The following CNTN4 variants were observed in gnomAD, a reference collection of about 807,000 sequenced individuals.
CNTN4 encodes contactin 4.
A neutral mutation model predicts 122.5 loss-of-function variants in CNTN4; 77 were observed. The ratio of observed to expected loss-of-function variants is 0.63; its 90% CI spans 0.52 to 0.76. The LOEUF (loss-of-function observed/expected upper bound fraction) is 0.76. Ranked by LOEUF, CNTN4 falls within the 30% of genes least tolerant of loss-of-function variation. The pLI is 0.00. For missense variants in CNTN4, 1,256 were observed against 1,259.1 expected, an observed-to-expected ratio of 1.00 and a Z score of 0.04; for synonymous variants, 512 against 447.0, an observed-to-expected ratio of 1.15 and a Z score of -1.83.
chr3:2,844,919 G>C lies in CNTN4; in HGVS notation c.455-21833G>C, dbSNP rs539895084. Among the ~76,000 whole-genome samples, 5 of 152,190 alleles carry C rather than the reference G, an allele frequency of 3.3e-5. No individual in the cohort carries two copies. In the South Asian group the frequency reaches 1.0e-3, roughly 32 times the overall value. On this transcript the variant is annotated intron_variant, in intron 7 of 24. Transcript: ENST00000418658. ...CAAGCTGAAGGTTCATGGCTGGTAG[G>C]CTACGCTCAGGTGAATTTGGAGCAC...
intron 4 of CNTN4, among the ~76,000 whole-genome samples, chr3:2,641,059 C>T (rs2082876046): frequency 6.6e-6 from 1 of 152,052 alleles, no homozygotes; most frequent in Non-Finnish European, 1.5e-5. Context: ...ACAAATTCTG[C>T]CAGATCACCC....
intron 2 of CNTN4, among the ~76,000 whole-genome samples, chr3:2,142,066 G>T (rs2727918): frequency 6.6e-6 from 1 of 152,046 alleles, no homozygotes; most frequent in East Asian, 1.9e-4. Context: ...GATTTCTGTC[G>T]TAGGCATATT....
At chr3:2,412,473 A>G (rs547066890) in intron 3 of CNTN4, among the ~76,000 whole-genome samples, 1 of 152,110 alleles carries the variant, frequency 6.6e-6, no homozygotes, top group African/African-American at 2.4e-5. Flanking sequence ...GGCTGGTCTC[A>G]AACTCCTGAC....
chr3:2,967,057 G>A (rs1692391960), intron 13 of CNTN4, among the ~76,000 whole-genome samples: 1 of 152,182 alleles, frequency 6.6e-6, no homozygotes, highest in Admixed American at 6.5e-5. Flanking sequence ...GTAGGAGACA[G>A]GAGTTTTACT....
chr3:2,237,337 T>G (rs2039722852), intron 2 of CNTN4, among the ~76,000 whole-genome samples: 2 of 152,112 alleles, frequency 1.3e-5, no homozygotes, highest in Admixed American at 1.3e-4. Flanking sequence ...AAGCTGGGTG[T>G]GGTTACTCCT....
chr3:2,312,439 C>G (rs2042947680), intron 2 of CNTN4, among the ~76,000 whole-genome samples: 1 of 152,042 alleles, frequency 6.6e-6, no homozygotes, highest in African/African-American at 2.4e-5. Flanking sequence ...TAATATTGGA[C>G]TATCACTAAG....
At chr3:2,567,083 T>G (rs1230733647) in intron 3 of CNTN4, among the ~76,000 whole-genome samples, 4 of 98,538 alleles carry the variant, frequency 4.1e-5, no homozygotes, top group African/African-American at 7.7e-5. Flanking sequence ...AGTCCAGAAT[T>G]TTTTTTTTTT....
chr3:2,109,173 AAG>A (rs1196435155), intron 2 of CNTN4, among the ~76,000 whole-genome samples: 1 of 152,204 alleles, frequency 6.6e-6, no homozygotes, highest in Non-Finnish European at 1.5e-5. Flanking sequence ...ATAGTTCGGA[AAG>A]AGAAAATATT....
intron 13 of CNTN4, among the ~76,000 whole-genome samples, chr3:2,943,656 G>C (rs1352947643): frequency 1.5e-5 from 2 of 129,530 alleles, no homozygotes; most frequent in Admixed American, 8.6e-5. Flanking sequence ...ACGGAGTCTT[G>C]CTCTGTCATC....
At chr3:2,165,847 G>GT (rs1167696744) in intron 2 of CNTN4, among the ~76,000 whole-genome samples, 1 of 152,046 alleles carries the variant, frequency 6.6e-6, no homozygotes, top group Non-Finnish European at 1.5e-5. Flanking sequence ...GCTCATTGAT[G>GT]TTGCAACTGG....
At chr3:2,770,155 G>A (rs897673739) in intron 6 of CNTN4, among the ~76,000 whole-genome samples, 10 of 151,452 alleles carry the variant, frequency 6.6e-5, no homozygotes, top group African/African-American at 1.9e-4. Flanking sequence ...TCAGCCTCCC[G>A]AGTAGCTGGG....
chr3:2,867,295 A>G (rs1197920717), intron 8 of CNTN4, among the ~76,000 whole-genome samples: 2 of 152,190 alleles, frequency 1.3e-5, no homozygotes, highest in African/African-American at 2.4e-5. Context: ...TCATTAATCA[A>G]TTCTGTGTAA....
intron 6 of CNTN4, among the ~76,000 whole-genome samples, chr3:2,760,901 G>A (rs941564490): frequency 1.3e-5 from 2 of 152,124 alleles, no homozygotes; most frequent in African/African-American, 4.8e-5. Flanking sequence ...AAACAAGAAT[G>A]TTAGTGATTT....
chr3:3,008,171 A>T (rs1297853403), intron 14 of CNTN4, among the ~76,000 whole-genome samples: 2 of 151,760 alleles, frequency 1.3e-5, no homozygotes, highest in African/African-American at 4.9e-5. Context: ...GGATAATTTT[A>T]TATCAAGTTT....
chr3:2,673,087 G>A (rs184647724), intron 4 of CNTN4, among the ~76,000 whole-genome samples: 20 of 152,090 alleles, frequency 1.3e-4, no homozygotes, highest in Admixed American at 4.6e-4. Context: ...TTTTCTCTCC[G>A]GTCAATACAA....
chr3:2,319,706 G>A (rs73807717), intron 2 of CNTN4, among the ~76,000 whole-genome samples: 645 of 152,166 alleles, frequency 4.2e-3, no homozygotes, highest in African/African-American at 0.015. Context: ...TTATGTTATC[G>A]GTAAGACTTT....
intron 3 of CNTN4, among the ~76,000 whole-genome samples, chr3:2,466,094 C>T (rs973682632): frequency 2.6e-5 from 4 of 152,132 alleles, no homozygotes; most frequent in Admixed American, 6.5e-5. Context: ...TACATGAAGC[C>T]ATCAGAACAT....
intron 3 of CNTN4, among the ~76,000 whole-genome samples, chr3:2,430,820 A>G (rs1314875912): frequency 6.6e-6 from 1 of 152,094 alleles, no homozygotes; most frequent in Non-Finnish European, 1.5e-5. Flanking sequence ...TTGTTTCATC[A>G]CCCTGGGGCA....
At chr3:2,102,618 C>T (rs574924137) in intron 2 of CNTN4, among the ~76,000 whole-genome samples, 1 of 152,280 alleles carries the variant, frequency 6.6e-6, no homozygotes, top group Admixed American at 6.5e-5. Flanking sequence ...TTGCCGTCTT[C>T]AGCAGGGTCA....
Sources: allele counts gnomAD v4.1 joint callset (sites outside exome capture counted in the v4.1 genomes callset), GRCh38; gene constraint gnomAD v4.1.1; transcripts MANE v1.5; gene names NCBI Gene and HGNC (gene_info 2026-07-23, HGNC 2026-07-21).